The following PDCD10 variants were observed in gnomAD, a reference collection of about 807,000 sequenced individuals.
PDCD10 encodes programmed cell death protein 10.
In PDCD10, 4 loss-of-function variants were observed where a neutral mutation model predicts 29.2. The observed-to-expected ratio is 0.14, with a 90% confidence interval of 0.07 to 0.31. PDCD10 has a LOEUF of 0.31. Ranked by LOEUF, PDCD10 falls within the 10% of genes least tolerant of loss-of-function variation. The pLI is 1.00. For synonymous variants in PDCD10, 70 were observed against 82.2 expected (o/e 0.85, Z 0.80); for missense variants, 183 against 257.9 (o/e 0.71, Z 1.99).
intron 3 of PDCD10, among the ~76,000 whole-genome samples, chr3:167,714,545 C>T (rs1340617225): frequency 6.6e-6 from 1 of 151,778 alleles, no homozygotes; most frequent in Non-Finnish European, 1.5e-5. Context: ...TTTGGAGAAA[C>T]CTAAAGACTC....
intron 2 of PDCD10, among the ~76,000 whole-genome samples, chr3:167,726,048 C>A (rs1490391004): frequency 6.7e-6 from 1 of 150,294 alleles, no homozygotes; most frequent in Admixed American, 6.6e-5. Context: ...GCTGAGACTT[C>A]CAGCTCATCT....
intron 6 of PDCD10, among the ~76,000 whole-genome samples, chr3:167,695,378 T>C (rs3804609): frequency 6.6e-6 from 1 of 151,960 alleles, no homozygotes; most frequent in East Asian, 1.9e-4. Context: ...CATTCCAGTT[T>C]ATGCACATTT....
At chr3:167,706,910 T>C (rs868063100) in intron 3 of PDCD10, among the ~76,000 whole-genome samples, 6 of 152,190 alleles carry the variant, frequency 3.9e-5, no homozygotes, top group Middle Eastern at 6.3e-3. Context: ...CTTCTCCATT[T>C]TACAAAGGAA....
intron 2 of PDCD10, among the ~76,000 whole-genome samples, chr3:167,731,487 T>C (rs1724811874): frequency 6.6e-6 from 1 of 152,254 alleles, no homozygotes; most frequent in Admixed American, 6.5e-5. Context: ...CTAAGCATTA[T>C]GGCTCATTTG....
rs184665971 is a variant in PDCD10 at position 167,719,465 on chromosome 3, A to T, written c.96+597T>A. 2.2e-3 allele frequency among the ~76,000 whole-genome samples: 328 copies of T among 152,296 alleles called. 2 individuals carry two copies. The highest frequency in any genetic ancestry group is 7.4e-3 in the African/African-American group (306 of 41,566). On this transcript the variant is annotated intron_variant, in intron 3 of 8. Transcript: ENST00000392750. ...CTTAGCATGTTAATATTAATTTAAAAGAAAACCCCAAAATATATCAATATT... is the reference window on the plus strand; with the variant it reads ...CTTAGCATGTTAATATTAATTTAAATGAAAACCCCAAAATATATCAATATT...
At chr3:167,699,555 A>G (rs193089178) in intron 4 of PDCD10, among the ~76,000 whole-genome samples, 24 of 152,358 alleles carry the variant, frequency 1.6e-4, no homozygotes, top group African/African-American at 5.5e-4. Flanking sequence ...ATATGGTCTT[A>G]AATCAGGGAG....
In PDCD10 at chr3:167,720,100, T is replaced by C. The variant is rs138275885; in HGVS notation, c.58A>G (p.Met20Val). The change falls in exon 3 of 9, where the codon ATG becomes GTG. Residue 20 changes from methionine to valine, a missense_variant. Transcript: ENST00000392750. ...NEAETTSMVS[M>V]PLYAVMYPVF... ...GGATACATGACTGCATAGAGGGGCA[T>C]AGAAACCATGGATGTGGTCTCAGCT... The C allele has an allele frequency of 2.2e-5, 35 of 1,612,306 alleles. No homozygotes were observed. Among genetic ancestry groups the C allele is most frequent in the Non-Finnish European group, 2.6e-5 (31 of 1,178,680 alleles).
intron 3 of PDCD10, among the ~76,000 whole-genome samples, chr3:167,713,522 C>G (rs1025277407): frequency 6.6e-6 from 1 of 151,542 alleles, no homozygotes; most frequent in African/African-American, 2.4e-5. Flanking sequence ...CAGAAAAGAG[C>G]AAACCAAACC....
chr3:167,687,200 A>AT (rs1243208706), intron 8 of PDCD10, 34 bp downstream of exon 8: 2 of 1,076,142 alleles, frequency 1.9e-6, no homozygotes, highest in African/African-American at 3.1e-5. Context: ...AATCTATTTA[A>AT]TTTTAAAAGT....
intron 3 of PDCD10, among the ~76,000 whole-genome samples, chr3:167,715,347 T>C (rs989293172): frequency 9.9e-5 from 15 of 151,960 alleles, no homozygotes; most frequent in Admixed American, 2.0e-4. Flanking sequence ...TCCAGAACAA[T>C]AGTGTGGGTA....
At chr3:167,714,188 T>A (rs1324075360) in intron 3 of PDCD10, among the ~76,000 whole-genome samples, 1 of 151,962 alleles carries the variant, frequency 6.6e-6, no homozygotes, top group Non-Finnish European at 1.5e-5. Flanking sequence ...AGATCATTCA[T>A]AATAACCAAG....
chr3:167,687,567 T>C, intron 7 of PDCD10, 48 bp downstream of exon 7: 1 of 1,061,228 alleles, frequency 9.4e-7, no homozygotes, highest in Middle Eastern at 2.0e-4. Context: ...CAACTAGGCA[T>C]AAACCAACAT....
chr3:167,696,628 C>T (rs1720839666), intron 5 of PDCD10, among the ~76,000 whole-genome samples: 1 of 151,942 alleles, frequency 6.6e-6, no homozygotes, highest in African/African-American at 2.4e-5. Flanking sequence ...AGATGCTGTA[C>T]TAAAGTTAAA....
At chr3:167,716,371 C>T (rs1262689908) in intron 3 of PDCD10, among the ~76,000 whole-genome samples, 1 of 151,804 alleles carries the variant, frequency 6.6e-6, no homozygotes, top group Admixed American at 6.6e-5. Flanking sequence ...TTACAATAGT[C>T]AACACTAAAT....
rs187849833 is a variant in PDCD10, at chr3:167,698,578, G to A, written c.151-1452C>T. On this transcript the variant is annotated intron_variant, in intron 4 of 8. Coordinates refer to ENST00000392750, the MANE Select transcript of PDCD10 (RefSeq NM_007217.4). ...AAAAAAACTGTGTTTTTTAAAAAAG[G>A]AGTTTCCTTTATAAGATGTCCAAAT... Among the ~76,000 whole-genome samples, 314 of 152,200 alleles carry A rather than the reference G, an allele frequency of 2.1e-3. 1 individual carries two copies. Among genetic ancestry groups the A allele is most frequent in the Non-Finnish European group, 3.6e-3 (243 of 67,998 alleles).
At chr3:167,703,051 T>C (rs1335269358) in intron 4 of PDCD10, among the ~76,000 whole-genome samples, 2 of 152,292 alleles carry the variant, frequency 1.3e-5, no homozygotes, top group East Asian at 1.9e-4. Context: ...TTTTATTTTA[T>C]GAATGTCATT....
At chr3:167,728,735 C>T (rs1724482194) in intron 2 of PDCD10, among the ~76,000 whole-genome samples, 1 of 152,168 alleles carries the variant, frequency 6.6e-6, no homozygotes, top group Admixed American at 6.5e-5. Context: ...GTATCCAACA[C>T]AGTATTCTGC....
Position 167,720,183 on chromosome 3 carries a change from G to C in PDCD10, c.-26C>G. 1 of 1,476,166 alleles carries C rather than the reference G, an allele frequency of 6.8e-7. No homozygotes were observed. Among genetic ancestry groups the C allele is most frequent in the Middle Eastern group, 1.7e-4 (1 of 5,748 alleles). 91.4% of individuals were successfully genotyped at this position (1,476,166 alleles called of 1,614,324 possible). The stretch of plus-strand genomic sequence containing the variant: ...TCAAAAGCCAACTACAGTTGAAAAA[G>C]CAGTGCTAAAATGCAGAGGAATCTT... On this transcript the variant is annotated 5_prime_UTR_variant, in exon 3 of 9. Coordinates refer to ENST00000392750, the MANE Select transcript of PDCD10 (RefSeq NM_007217.4).
At chr3:167,714,301 G>C (rs1722798841) in intron 3 of PDCD10, among the ~76,000 whole-genome samples, 1 of 151,998 alleles carries the variant, frequency 6.6e-6, no homozygotes, top group African/African-American at 2.4e-5. Context: ...GATCATTTCA[G>C]CTGATGCTGA....
Sources: allele counts gnomAD v4.1 joint callset (sites outside exome capture counted in the v4.1 genomes callset), GRCh38; gene constraint gnomAD v4.1.1; transcripts MANE v1.5; gene names NCBI Gene and HGNC (gene_info 2026-07-23, HGNC 2026-07-21).